Variants in SENP7 observed in about 807,000 individuals in gnomAD.
The protein encoded by SENP7 is SUMO specific peptidase 7, also known as sentrin-specific protease 7.
A neutral mutation model predicts 141.2 loss-of-function variants in SENP7; 64 were observed. That is an observed-to-expected ratio of 0.45 (90% CI 0.37 to 0.56). The LOEUF (loss-of-function observed/expected upper bound fraction) is 0.56, where lower values mean the gene tolerates loss of function less well. SENP7 is among the 20% of genes least tolerant of loss of function. The pLI is 0.00. For missense variants in SENP7, 1,025 were observed against 1,212.2 expected (o/e 0.85, Z 2.29); for synonymous variants, 382 against 426.4 (o/e 0.90, Z 1.28).
chr3:101,383,497 T>C (rs916257501), intron 6 of SENP7, among the ~76,000 whole-genome samples: 2 of 152,196 alleles, frequency 1.3e-5, no homozygotes, highest in African/African-American at 4.8e-5. Flanking sequence ...AACCTGGGCA[T>C]TCCTGTACTC....
At position 101,335,291 on chromosome 3, in the gene SENP7, A is replaced by T. The variant is rs114295726; in HGVS notation, c.2480+2218T>A. 3.4e-3 allele frequency among the ~76,000 whole-genome samples: 520 copies of T among 152,302 alleles called. 5 individuals carry two copies. Among genetic ancestry groups the T allele is most frequent in the African/African-American group, 0.012 (500 of 41,572 alleles). On this transcript the variant is annotated intron_variant, in intron 17 of 23. Transcript: ENST00000394095. ...AACCAGATCTTTCAGGATCTCATAAAGCATGATAAGGAATCTGTAGCTTCT... is the reference window on the plus strand; with the variant it reads ...AACCAGATCTTTCAGGATCTCATAATGCATGATAAGGAATCTGTAGCTTCT...
intron 3 of SENP7, among the ~76,000 whole-genome samples, chr3:101,488,959 C>T (rs1473647407): frequency 6.6e-6 from 1 of 152,198 alleles, no homozygotes; most frequent in Non-Finnish European, 1.5e-5. Context: ...TAGCAGCAGA[C>T]TTCTTGGCAG....
chr3:101,478,038 G>GA (rs2064294283), intron 3 of SENP7, among the ~76,000 whole-genome samples: 1 of 150,990 alleles, frequency 6.6e-6, no homozygotes, highest in Non-Finnish European at 1.5e-5. Flanking sequence ...AATCAGAAAT[G>GA]AAAAAAGAGA....
At position 101,442,531 on chromosome 3, in the gene SENP7, G is replaced by T. The variant is rs72942246; in HGVS notation, c.284+16424C>A. Among the ~76,000 whole-genome samples, 5 of 152,254 alleles carry T rather than the reference G, an allele frequency of 3.3e-5. 1 individual carries two copies. Among genetic ancestry groups the T allele is most frequent in the African/African-American group, 1.2e-4 (5 of 41,558 alleles). ...CCTGCCACCCACCCCCTGGCTCTGCGGCCTGGTTCCTAACAGGCCACGGAC... is the reference window on the plus strand; with the variant it reads ...CCTGCCACCCACCCCCTGGCTCTGCTGCCTGGTTCCTAACAGGCCACGGAC... On this transcript the variant is annotated intron_variant, in intron 4 of 23. Transcript: ENST00000394095.
intron 3 of SENP7, among the ~76,000 whole-genome samples, chr3:101,461,858 C>T (rs1014128345): frequency 3.9e-5 from 6 of 152,138 alleles, no homozygotes; most frequent in African/African-American, 1.4e-4. Context: ...CATACTATAA[C>T]ATGGATGAAC....
chr3:101,347,007 G>A (rs1245876483), intron 13 of SENP7, among the ~76,000 whole-genome samples: 1 of 151,700 alleles, frequency 6.6e-6, no homozygotes, highest in East Asian at 1.9e-4. Context: ...GAAGAAAGAG[G>A]AGGAAGGAGG....
intron 6 of SENP7, among the ~76,000 whole-genome samples, chr3:101,382,953 GT>G (rs1374542473): frequency 6.6e-6 from 1 of 152,150 alleles, no homozygotes; most frequent in East Asian, 1.9e-4. Context: ...TTTAATGAGA[GT>G]TTTTAAAATG....
intron 2 of SENP7, among the ~76,000 whole-genome samples, chr3:101,499,452 T>C (rs1312600139): frequency 6.6e-6 from 1 of 151,976 alleles, no homozygotes; most frequent in Non-Finnish European, 1.5e-5. Context: ...CACTGCAACC[T>C]CTGCCTCCCG....
chr3:101,398,142 A>G lies in SENP7; in HGVS notation c.677+719T>C, dbSNP rs530108843. Among the ~76,000 whole-genome samples the G allele has an allele frequency of 2.1e-3, 318 of 152,312 alleles. 1 individual carries two copies. The highest frequency in any genetic ancestry group is 7.4e-3 in the African/African-American group (309 of 41,582). The stretch of plus-strand genomic sequence containing the variant: ...ATTTACTGAGCACTAAGTACTAGTT[A>G]AAATTCTAGAGTCTGAATATAAAAA... On this transcript the variant is annotated intron_variant, in intron 6 of 23. Transcript: ENST00000394095.
intron 6 of SENP7, among the ~76,000 whole-genome samples, chr3:101,378,716 A>T (rs556954792): frequency 6.6e-6 from 1 of 152,286 alleles, no homozygotes; most frequent in East Asian, 1.9e-4. Flanking sequence ...GAGAACACCA[A>T]AGAGAATAAA....
chr3:101,365,378 G>A (rs1443690332), intron 9 of SENP7, among the ~76,000 whole-genome samples: 2 of 150,922 alleles, frequency 1.3e-5, no homozygotes, highest in Admixed American at 1.3e-4. Context: ...GCTCACTCCT[G>A]TAATCCCAGC....
At chr3:101,427,334 C>T (rs1458729021) in intron 4 of SENP7, among the ~76,000 whole-genome samples, 1 of 151,676 alleles carries the variant, frequency 6.6e-6, no homozygotes, top group East Asian at 1.9e-4. Flanking sequence ...ACTGAAAATA[C>T]AAAAAACTAC....
At chr3:101,427,334 C>CA (rs2061994239) in intron 4 of SENP7, among the ~76,000 whole-genome samples, 2 of 151,676 alleles carry the variant, frequency 1.3e-5, no homozygotes, top group South Asian at 2.1e-4. Context: ...ACTGAAAATA[C>CA]AAAAAACTAC....
chr3:101,509,688 A>G (rs1190494362), intron 1 of SENP7, among the ~76,000 whole-genome samples: 1 of 152,210 alleles, frequency 6.6e-6, no homozygotes, highest in Non-Finnish European at 1.5e-5. Flanking sequence ...ATCATTCATT[A>G]CACTTTCAAT....
Position 101,452,750 on chromosome 3 carries a change from A to G in SENP7, c.284+6205T>C, listed in dbSNP as rs2063191695. 2.0e-5 allele frequency among the ~76,000 whole-genome samples: 3 copies of G among 152,228 alleles called. No homozygotes were observed. In the South Asian group the frequency reaches 6.2e-4, roughly 31 times the overall value. The stretch of plus-strand genomic sequence containing the variant: ...TAAAGACTTACATGTTAGACCTAAA[A>G]CCATAAAAACCCTAGAAGAAAACCT... On this transcript the variant is annotated intron_variant, in intron 4 of 23. Transcript: ENST00000394095.
intron 12 of SENP7, among the ~76,000 whole-genome samples, chr3:101,351,254 C>G (rs986659109): frequency 1.3e-5 from 2 of 151,956 alleles, no homozygotes; most frequent in Non-Finnish European, 2.9e-5. Context: ...GTATAACATT[C>G]TCTTACCCTC....
rs865912018 is a variant in SENP7 at position 101,492,636 on chromosome 3, A to T, written c.186+1237T>A. On this transcript the variant is annotated intron_variant, in intron 3 of 23. Transcript: ENST00000394095. ...CACTAGGGGTACGTGTGCCCAGAGA[A>T]AAAGCCATCTGCAATCCAAGTAAAG... Among the ~76,000 whole-genome samples, 10 of 152,202 alleles carry T rather than the reference A, an allele frequency of 6.6e-5. No individual in the cohort carries two copies. In the South Asian group the frequency reaches 1.5e-3, roughly 22 times the overall value.
At chr3:101,392,073 A>C (rs1248311047) in intron 6 of SENP7, among the ~76,000 whole-genome samples, 1 of 152,212 alleles carries the variant, frequency 6.6e-6, no homozygotes, top group Non-Finnish European at 1.5e-5. Flanking sequence ...ACACTGCAAC[A>C]TGATTAAGGC....
intron 11 of SENP7, among the ~76,000 whole-genome samples, chr3:101,356,140 C>A (rs866262988): frequency 1.2e-3 from 185 of 151,794 alleles, no homozygotes; most frequent in African/African-American, 4.3e-3. Context: ...TTAATCATTC[C>A]TTCCTCTCAC....
Sources: allele counts gnomAD v4.1 joint callset (sites outside exome capture counted in the v4.1 genomes callset), GRCh38; gene constraint gnomAD v4.1.1; transcripts MANE v1.5; gene names NCBI Gene and HGNC (gene_info 2026-07-23, HGNC 2026-07-21).